FAM20C: variants seen among roughly 807,000 people sequenced by gnomAD.
FAM20C encodes the protein extracellular serine/threonine protein kinase FAM20C.
A neutral mutation model predicts 51.5 loss-of-function variants in FAM20C; 40 were observed. That is an observed-to-expected ratio of 0.78 (90% confidence interval 0.60 to 1.01). FAM20C has a LOEUF of 1.01. FAM20C is among the 50% of genes least tolerant of loss of function. The pLI is 0.00. For synonymous variants in FAM20C, 406 were observed against 380.6 expected, an observed-to-expected ratio of 1.07 and a Z score of -0.78; for missense variants, 861 against 844.7, an observed-to-expected ratio of 1.02 and a Z score of -0.24.
In FAM20C at chr7:193,610, G is replaced by A. The variant is rs1205927054; in HGVS notation, c.411G>A (p.Arg137=). 8 of 1,534,586 alleles carry A rather than the reference G, an allele frequency of 5.2e-6. No individual in the cohort carries two copies. The highest frequency in any genetic ancestry group is 1.4e-5 in the African/African-American group (1 of 71,388). ...GALRPHDPAH[R]PLLRDPGPRR... is the part of the protein sequence containing the mutation. ...TAAGACCCCACGACCCCGCGCACCG[G>A]CCGCTGCTGCGAGACCCCGGCCCGC... The change falls in exon 1 of 10, where the codon CGG becomes CGA. Residue 137 remains arginine (R), a synonymous_variant. Coordinates refer to ENST00000313766, the MANE Select transcript of FAM20C (RefSeq NM_020223.4).
intron 3 of FAM20C, among the ~76,000 whole-genome samples, chr7:230,098 C>T (rs939533368): frequency 3.3e-5 from 5 of 152,082 alleles, no homozygotes; most frequent in Non-Finnish European, 2.9e-5. Flanking sequence ...TTTGGAAAAG[C>T]GGTCTTTGGA....
At chr7:218,388 G>A (rs936667113) in intron 3 of FAM20C, among the ~76,000 whole-genome samples, 3 of 152,238 alleles carry the variant, frequency 2.0e-5, no homozygotes, top group South Asian at 2.1e-4. Flanking sequence ...GCCGCGCTGC[G>A]TGCTGCCTCC....
intron 2 of FAM20C, among the ~76,000 whole-genome samples, chr7:198,326 C>T (rs537289329): frequency 2.1e-4 from 32 of 152,260 alleles, no homozygotes; most frequent in Admixed American, 7.8e-4. Context: ...AATGGATTAA[C>T]GCCTCCAGCA....
intron 5 of FAM20C, among the ~76,000 whole-genome samples, chr7:253,012 G>A (rs756548061): frequency 3.2e-4 from 49 of 152,230 alleles, no homozygotes; most frequent in Non-Finnish European, 5.6e-4. Flanking sequence ...CACTCAGCCC[G>A]ACACAGCCTG....
rs1001603435 is a variant in FAM20C at position 234,447 on chromosome 7, G to A, written c.864-11968G>A. Among the ~76,000 whole-genome samples the A allele has an allele frequency of 2.4e-3, 359 of 152,302 alleles. 1 individual carries two copies. The highest frequency in any genetic ancestry group is 8.1e-3 in the African/African-American group (336 of 41,564). Reference sequence around the variant, plus strand: ...CCAGGCCCCGACCACTCCCTGTATCGGGGGTGGCTGGCCGAGGGCAGGGCC... The same window carrying A: ...CCAGGCCCCGACCACTCCCTGTATCAGGGGTGGCTGGCCGAGGGCAGGGCC... On this transcript the variant is annotated intron_variant, in intron 3 of 9. Transcript: ENST00000313766.
intron 8 of FAM20C, among the ~76,000 whole-genome samples, chr7:258,234 G>T (rs867534424): frequency 4.3e-4 from 32 of 74,922 alleles, no homozygotes; most frequent in Non-Finnish European, 5.2e-4. Flanking sequence ...GGAGATGGGT[G>T]GGGTGGACCC....
At chr7:251,004 A>C (rs143307577) in intron 5 of FAM20C, among the ~76,000 whole-genome samples, 4,756 of 152,328 alleles carry the variant, frequency 0.031, 97 homozygotes, top group Middle Eastern at 0.082. Context: ...AGGGTCACGC[A>C]GGGAGGGGTC....
intron 3 of FAM20C, among the ~76,000 whole-genome samples, chr7:217,330 G>C (rs961930185): frequency 2.1e-4 from 2 of 9,532 alleles, no homozygotes; most frequent in African/African-American, 7.7e-4. Context: ...ATCATCCCTG[G>C]CTCCTGTTGC....
chr7:226,599 C>T (rs2115107473), intron 3 of FAM20C, among the ~76,000 whole-genome samples: 1 of 152,324 alleles, frequency 6.6e-6, no homozygotes, highest in East Asian at 1.9e-4. Context: ...CACCCTCTCG[C>T]AGGTCTGTGG....
At chr7:200,322 C>T (rs933933805) in intron 2 of FAM20C, among the ~76,000 whole-genome samples, 17 of 151,466 alleles carry the variant, frequency 1.1e-4, no homozygotes, top group East Asian at 2.0e-4. Context: ...ATTAGCTGGA[C>T]GCCCATGGCC....
chr7:214,552 G>C (rs1330143818), intron 3 of FAM20C, among the ~76,000 whole-genome samples: 1 of 152,226 alleles, frequency 6.6e-6, no homozygotes, highest in Non-Finnish European at 1.5e-5. Context: ...GCGGCTTTAG[G>C]AAACACCACG....
At chr7:199,574 C>T (rs1786036003) in intron 2 of FAM20C, among the ~76,000 whole-genome samples, 1 of 152,228 alleles carries the variant, frequency 6.6e-6, no homozygotes, top group Admixed American at 6.5e-5. Context: ...GCCTGCGAGT[C>T]TCCAAAGCCT....
At chr7:206,189 A>G (rs909580155) in intron 2 of FAM20C, among the ~76,000 whole-genome samples, 4 of 152,012 alleles carry the variant, frequency 2.6e-5, no homozygotes, top group African/African-American at 4.8e-5. Flanking sequence ...ACTCCACCAG[A>G]TACCTCTCAG....
rs1239082445 is a variant in FAM20C at position 260,076 on chromosome 7, C to T, written c.*96C>T. 14 of 1,408,182 alleles carry T rather than the reference C, an allele frequency of 9.9e-6. No homozygotes were observed. Among genetic ancestry groups the T allele is most frequent in the Non-Finnish European group, 1.1e-5 (12 of 1,075,972 alleles). 87.2% of individuals were successfully genotyped at this position (1,408,182 alleles called of 1,614,324 possible). A position where few individuals can be genotyped will look rare whatever the true frequency, so the allele number is the denominator to read the frequency against. ...GTCGTGAATTCAGTGAATTCAGAGG[C>T]AGGACGGGATCATCCGGAGTCGGGA... On this transcript the variant is annotated 3_prime_UTR_variant, in exon 10 of 10. Coordinates refer to ENST00000313766, the MANE Select transcript of FAM20C (RefSeq NM_020223.4).
intron 2 of FAM20C, among the ~76,000 whole-genome samples, chr7:208,132 G>C (rs1363968690): frequency 6.6e-6 from 1 of 152,186 alleles, no homozygotes; most frequent in Non-Finnish European, 1.5e-5. Flanking sequence ...CTTAGGCAGG[G>C]GCAGGGGGGT....
At chr7:254,033 A>G (rs938144431) in intron 5 of FAM20C, among the ~76,000 whole-genome samples, 1 of 152,088 alleles carries the variant, frequency 6.6e-6, no homozygotes, top group Admixed American at 6.5e-5. Flanking sequence ...CGTTCTTACA[A>G]TAATGACCCA....
chr7:206,567 C>T (rs796229405), intron 2 of FAM20C, among the ~76,000 whole-genome samples: 3,036 of 34,160 alleles, frequency 0.089, 230 homozygotes, highest in African/African-American at 0.21. Context: ...GCGTCGGTCA[C>T]TGTCCCCTCA....
rs778347954 is a variant in FAM20C at position 259,794 on chromosome 7, G to C, written c.1569G>C (p.Leu523=). The C allele has an allele frequency of 6.5e-7, 1 of 1,536,720 alleles. No individual in the cohort carries two copies. The highest frequency in any genetic ancestry group is 1.2e-5 in the South Asian group (1 of 84,052). The change falls in exon 10 of 10, where the codon CTG becomes CTC. Residue 523 remains leucine (L), a synonymous_variant. Coordinates refer to ENST00000313766, the MANE Select transcript of FAM20C (RefSeq NM_020223.4). ...LLAKEEYKLS[L]LMAESLRGDQ... ...CCAAGGAGGAGTACAAGCTGAGCCT[G>C]CTGATGGCCGAGTCTCTGCGGGGGG...
At position 193,165 on chromosome 7, in the gene FAM20C, G is replaced by A; in HGVS notation, c.-35G>A. 1 of 1,430,486 alleles carries A rather than the reference G, an allele frequency of 7.0e-7. No homozygotes were observed. Among genetic ancestry groups the A allele is most frequent in the East Asian group, 3.2e-5 (1 of 31,510 alleles). 88.6% of individuals were successfully genotyped at this position (1,430,486 alleles called of 1,614,324 possible). Reference sequence around the variant, plus strand: ...CTGCAGCTAGAGGGGCGCGCGGGCAGAACGCGCTCCAGGCCCGGGCCGGCC... The same window carrying A: ...CTGCAGCTAGAGGGGCGCGCGGGCAAAACGCGCTCCAGGCCCGGGCCGGCC... On this transcript the variant is annotated 5_prime_UTR_variant, in exon 1 of 10. Coordinates refer to ENST00000313766, the MANE Select transcript of FAM20C (RefSeq NM_020223.4).
Sources: gnomAD v4.1 joint callset for allele counts (sites outside exome capture counted in the v4.1 genomes callset) on GRCh38, gnomAD v4.1.1 for gene constraint, MANE v1.5 for transcripts, NCBI Gene and HGNC (gene_info 2026-07-23, HGNC 2026-07-21) for gene names.